MACF1: variants seen among roughly 807,000 people sequenced by gnomAD.
MACF1 encodes microtubule actin crosslinking factor 1.
Under a neutral mutation model 854.8 loss-of-function variants are expected in MACF1, and 193 were observed. The observed-to-expected ratio is 0.23, with a 90% CI of 0.20 to 0.25. The LOEUF is 0.25. Ranked by LOEUF, MACF1 falls within the 10% of genes least tolerant of loss-of-function variation. The pLI, the probability that MACF1 is intolerant of heterozygous loss-of-function variation, is 1.00. For synonymous variants in MACF1, 3,185 were observed against 3,226.7 expected (o/e 0.99, Z 0.44); for missense variants, 7,722 against 8,929.1 (o/e 0.86, Z 5.45).
rs1354096240 is a variant in MACF1 at position 39,393,194 on chromosome 1, A to ATATATAT, written c.15816+4536_15816+4537insTATATAT. Among the ~76,000 whole-genome samples the ATATATAT allele has an allele frequency of 9.2e-3, 727 of 78,808 alleles. 3 individuals are homozygous for ATATATAT. The highest frequency in any genetic ancestry group is 0.016 in the Middle Eastern group (2 of 126). 51.7% of individuals were successfully genotyped at this position (78,808 alleles called of 152,430 possible). A position where few individuals can be genotyped will look rare whatever the true frequency, so the allele number is the denominator to read the frequency against. ...TCCTGGGAAGGGTAAAAAAAAAAAA[A>ATATATAT]AAATATATATATATATATATATATA... On this transcript the variant is annotated intron_variant, in intron 58 of 100. Transcript: ENST00000564288.
chr1:39,201,438 C>T (rs376875169), upstream of MACF1, among the ~76,000 whole-genome samples: 70 of 152,160 alleles, frequency 4.6e-4, no homozygotes, highest in African/African-American at 1.4e-3. Flanking sequence ...CTGCAACCTC[C>T]GCCTCCTGGA....
In MACF1 at chr1:39,084,956, T is replaced by C. The variant is rs371468340; in HGVS notation, c.220+518T>C. Among the ~76,000 whole-genome samples, 2 of 152,228 alleles carry C rather than the reference T, an allele frequency of 1.3e-5. No individual in the cohort carries two copies. The highest frequency in any genetic ancestry group is 3.9e-4 in the East Asian group (2 of 5,172). On this transcript the variant is annotated intron_variant, in intron 2 of 93. Coordinates refer to the MACF1 transcript ENST00000361689. This position sits in a 1 kb window ranked among gnomAD's most constrained non-coding sequence, Gnocchi z 5.2. ...TCCTTATAATGAAATCCTTGGAGAG[T>C]ACAGTTTTACTTGTATCGCCTTCCA... is the stretch of plus-strand genomic sequence containing the variant.
Position 39,378,480 on chromosome 1 carries a change from A to T in MACF1, c.13233A>T (p.Val4411=). The T allele has an allele frequency of 6.2e-7, 1 of 1,614,048 alleles. No homozygotes were observed. The highest frequency in any genetic ancestry group is 2.2e-5 in the East Asian group (1 of 44,888). ...GCTCAGGTTCCATACTGCCCTCTGT[A>T]GGAAGCTCTGTAGGCAGTGTAAACG... The part of the protein sequence containing the change: ...QGKTGSILPS[V]GSSVGSVNGY... The change falls in exon 53 of 101, where the codon GTA becomes GTT. Residue 4411 remains valine, a synonymous_variant. Coordinates refer to ENST00000564288, the MANE Select transcript of MACF1 (RefSeq NM_001394062.1).
intron 2 of MACF1, among the ~76,000 whole-genome samples, chr1:39,199,337 G>A (rs900747511): frequency 2.0e-5 from 3 of 150,728 alleles, no homozygotes; most frequent in African/African-American, 7.3e-5. Flanking sequence ...TTTGGAATCA[G>A]GCATAATAAA....
chr1:39,339,507 G>A (rs1646890256), intron 38 of MACF1, among the ~76,000 whole-genome samples: 1 of 152,172 alleles, frequency 6.6e-6, no homozygotes, highest in African/African-American at 2.4e-5. Flanking sequence ...TTTCAGTGGA[G>A]TGACGGGATA....
chr1:39,246,690 A>T (rs1326543238), intron 2 of MACF1, among the ~76,000 whole-genome samples: 7 of 151,320 alleles, frequency 4.6e-5, no homozygotes, highest in African/African-American at 1.5e-4. Context: ...TTGTATTTTT[A>T]GTAGACACGG....
At chr1:39,412,228 G>A in intron 58 of MACF1, 1 of 1,613,974 alleles carries the variant, frequency 6.2e-7, no homozygotes, top group South Asian at 1.1e-5. Flanking sequence ...CTTCAGTTTT[G>A]CTTTTAATCA....
chr1:39,199,501 G>A (rs1251312821), intron 2 of MACF1, among the ~76,000 whole-genome samples: 2 of 151,894 alleles, frequency 1.3e-5, no homozygotes, highest in African/African-American at 4.8e-5. Context: ...GACAGAAAAA[G>A]CTCAGGTGTC....
chr1:39,463,787 T>C, intron 94 of MACF1, 101 bp downstream of exon 94: 2 of 1,024,648 alleles, frequency 2.0e-6, no homozygotes, highest in Non-Finnish European at 3.0e-6. Context: ...CCCATCGGAC[T>C]TGAGATGTGG....
chr1:39,483,831 T>TA (rs1645058746), intron 99 of MACF1, among the ~76,000 whole-genome samples: 1 of 152,212 alleles, frequency 6.6e-6, no homozygotes, highest in Admixed American at 6.5e-5. Flanking sequence ...TAAAAGATCT[T>TA]ACTAAAGTTA....
intron 38 of MACF1, among the ~76,000 whole-genome samples, chr1:39,337,674 C>A (rs574549369): frequency 6.8e-6 from 1 of 146,606 alleles, no homozygotes; most frequent in South Asian, 2.2e-4. Context: ...TCAAGCAATT[C>A]CCCTGCCTCA....
intron 27 of MACF1, among the ~76,000 whole-genome samples, chr1:39,316,008 A>G (rs1437012756): frequency 6.6e-6 from 1 of 152,226 alleles, no homozygotes. Flanking sequence ...ACTAAAGAAT[A>G]AAAAGAAAAG....
At chr1:39,168,732 ATCT>A (rs1643907647) in intron 2 of MACF1, among the ~76,000 whole-genome samples, 1 of 152,178 alleles carries the variant, frequency 6.6e-6, no homozygotes, top group African/African-American at 2.4e-5. Flanking sequence ...GGATAATAAT[ATCT>A]TCCATATAAA....
At chr1:39,234,368 G>C (rs1238863429) in intron 2 of MACF1, among the ~76,000 whole-genome samples, 4 of 151,484 alleles carry the variant, frequency 2.6e-5, no homozygotes, top group Non-Finnish European at 5.9e-5. Flanking sequence ...AGGGGCGGCC[G>C]GGCAGAGGCG....
chr1:39,217,572 A>G (rs1557523708), intron 1 of MACF1, among the ~76,000 whole-genome samples: 2 of 152,210 alleles, frequency 1.3e-5, no homozygotes, highest in Non-Finnish European at 2.9e-5. Context: ...TTGCTTAAAA[A>G]AGGGATTAAA....
In MACF1 at chr1:39,385,800, G is replaced by A. The variant is rs372278096; in HGVS notation, c.14215G>A (p.Glu4739Lys). The change falls in exon 57 of 101, where the codon GAG (glutamate) becomes AAG (lysine). Residue 4739 changes from glutamate to lysine, a missense_variant. This residue lies in a region of MACF1 where 2,807 missense variants were observed against 3,235.8 expected (regional missense o/e 0.87). Coordinates refer to ENST00000564288, the MANE Select transcript of MACF1 (RefSeq NM_001394062.1). ...IRSDLEQLDH[E>K]VKEAQTLCDE... ...ATCTGACTTGGAGCAGTTAGACCAC[G>A]AGGTTAAGGAGGCTCAGACACTGTG... The A allele has an allele frequency of 1.4e-5, 23 of 1,614,052 alleles. No individual in the cohort carries two copies. Among genetic ancestry groups the A allele is most frequent in the Admixed American group, 3.3e-5 (2 of 60,002 alleles).
intron 15 of MACF1, among the ~76,000 whole-genome samples, chr1:39,289,056 G>A (rs1463116486): frequency 6.6e-6 from 1 of 152,046 alleles, no homozygotes; most frequent in East Asian, 1.9e-4. Flanking sequence ...CCATATTGTT[G>A]CAAATGACAG....
chr1:39,343,570 C>T (rs886083408), intron 40 of MACF1, among the ~76,000 whole-genome samples: 1 of 152,196 alleles, frequency 6.6e-6, no homozygotes, highest in African/African-American at 2.4e-5. Context: ...GCATTGGTGC[C>T]CTCCCCTAGT....
upstream of MACF1, among the ~76,000 whole-genome samples, chr1:39,201,001 C>G (rs1013007509): frequency 1.3e-5 from 2 of 152,114 alleles, no homozygotes; most frequent in Non-Finnish European, 2.9e-5. Context: ...CCTGCCCCCC[C>G]AAAAAACAGA....
Sources: allele counts gnomAD v4.1 joint callset (sites outside exome capture counted in the v4.1 genomes callset), GRCh38; gene constraint gnomAD v4.1.1; regional missense constraint gnomAD v4.1.1; non-coding constraint Gnocchi (gnomAD v3.1); transcripts MANE v1.5; gene names NCBI Gene and HGNC (gene_info 2026-07-23, HGNC 2026-07-21).